IFNAR2: variants seen among roughly 807,000 people sequenced by gnomAD.
IFNAR2 encodes the protein interferon alpha and beta receptor subunit 2, also known as interferon alpha/beta receptor 2.
IFNAR2 carries 30 observed loss-of-function variants against 49.4 expected under a neutral mutation model. The ratio of observed to expected loss-of-function variants is 0.61; its 90% CI spans 0.45 to 0.82. The LOEUF is 0.82. IFNAR2 is among the 40% of genes least tolerant of loss of function. The pLI, the probability that IFNAR2 is intolerant of heterozygous loss-of-function variation, is 0.00. For synonymous variants in IFNAR2, 224 were observed against 234.5 expected, an observed-to-expected ratio of 0.96 and a Z score of 0.41; for missense variants, 600 against 622.7, an observed-to-expected ratio of 0.96 and a Z score of 0.39.
At chr21:33,245,344 C>A (rs1987320626) in intron 4 of IFNAR2, among the ~76,000 whole-genome samples, 1 of 152,238 alleles carries the variant, frequency 6.6e-6, no homozygotes, top group Non-Finnish European at 1.5e-5. Context: ...GTCAGAACCT[C>A]ACATACAAAA....
chr21:33,251,483 C>G (rs1987832391), intron 6 of IFNAR2: 1 of 891,974 alleles, frequency 1.1e-6, no homozygotes, highest in South Asian at 5.2e-5. Context: ...GCTCATTCTT[C>G]CAAGGAATTT....
chr21:33,244,466 T>C (rs922985712), intron 3 of IFNAR2, among the ~76,000 whole-genome samples: 3 of 152,190 alleles, frequency 2.0e-5, no homozygotes, highest in Admixed American at 6.5e-5. Flanking sequence ...CTCTCTGTGA[T>C]CCAGGGAATA....
intron 6 of IFNAR2, chr21:33,251,569 G>A (rs1601808282): frequency 6.1e-6 from 6 of 985,350 alleles, no homozygotes; most frequent in Middle Eastern, 5.2e-4. Context: ...AAGTTTGTTT[G>A]TTTACTAACT....
chr21:33,235,105 A>G (rs759483248), intron 1 of IFNAR2, among the ~76,000 whole-genome samples: 2 of 152,220 alleles, frequency 1.3e-5, no homozygotes, highest in Non-Finnish European at 2.9e-5. Context: ...TTCCTTTAGC[A>G]TGCTAATATA....
chr21:33,236,755 T>A lies in IFNAR2; in HGVS notation c.-83-5085T>A, dbSNP rs1245855231. On this transcript the variant is annotated intron_variant, in intron 1 of 8. Coordinates refer to ENST00000342136, the MANE Select transcript of IFNAR2 (RefSeq NM_001289125.3). ...TGAGCTGGGGCTCCTAGCACAAAAC[T>A]CACATTGAAAGATAAAATGGTTAAG... 5 of 984,900 alleles carry A rather than the reference T, an allele frequency of 5.1e-6. No homozygotes were observed. The African/African-American group carries it at 8.7e-5, about 17-fold the overall frequency. 61.0% of individuals were successfully genotyped at this position (984,900 alleles called of 1,614,324 possible).
intron 7 of IFNAR2, among the ~76,000 whole-genome samples, chr21:33,255,379 T>C (rs1988139980): frequency 6.6e-6 from 1 of 152,204 alleles, no homozygotes. Flanking sequence ...GTGACAAGGT[T>C]CCCTGCACTT....
At chr21:33,250,430 A>T (rs749755604) in intron 6 of IFNAR2, among the ~76,000 whole-genome samples, 1 of 152,226 alleles carries the variant, frequency 6.6e-6, no homozygotes, top group African/African-American at 2.4e-5. Context: ...CCAGAAAAAA[A>T]AATAAGCTAC....
chr21:33,260,948 A>C (rs1251415936), intron 8 of IFNAR2, among the ~76,000 whole-genome samples: 1 of 150,576 alleles, frequency 6.6e-6, no homozygotes, highest in Non-Finnish European at 1.5e-5. Flanking sequence ...TTTAGGGTAC[A>C]TGTGCACAGT....
rs747270386 is a variant in IFNAR2 at position 33,263,033 on chromosome 21, G to A, written c.1081G>A (p.Asp361Asn). The A allele has an allele frequency of 1.2e-6, 2 of 1,614,182 alleles. No individual in the cohort carries two copies. Among genetic ancestry groups the A allele is most frequent in the Non-Finnish European group, 1.7e-6 (2 of 1,180,028 alleles). ...SATSTESQLIDPESEEEPDLP... is the reference protein window; with the variant it reads ...SATSTESQLINPESEEEPDLP... Reference sequence around the variant, plus strand: ...CACCTCTACAGAATCCCAGTTGATAGACCCGGAGTCCGAGGAGGAGCCTGA... The same window carrying A: ...CACCTCTACAGAATCCCAGTTGATAAACCCGGAGTCCGAGGAGGAGCCTGA... The change falls in exon 9 of 9, where the codon GAC becomes AAC. Residue 361 changes from aspartate (D) to asparagine (N), a missense_variant. Transcript: ENST00000342136.
intron 8 of IFNAR2, 99 bp from the exon 9 acceptor site, chr21:33,262,694 C>T: frequency 6.7e-7 from 1 of 1,494,668 alleles, no homozygotes. Flanking sequence ...TACAAGCGTG[C>T]ATCCCTGTGC....
In IFNAR2 at chr21:33,262,760, C is replaced by T. The variant is rs9984273; in HGVS notation, c.841-33C>T. ...TAAAGAGCAAACAGTACAGCTGATACGGACTCTCTCTCTCTTTTTTTTTTT... is the reference window on the plus strand; with the variant it reads ...TAAAGAGCAAACAGTACAGCTGATATGGACTCTCTCTCTCTTTTTTTTTTT... On this transcript the variant is annotated intron_variant, in intron 8 of 8. Transcript: ENST00000342136. 0.69 allele frequency: 1,074,270 copies of T among 1,566,294 alleles called. 374,168 individuals carry two copies. The highest frequency in any genetic ancestry group is 0.94 in the East Asian group (41,983 of 44,602).
Position 33,263,766 on chromosome 21 carries a change from A to G in IFNAR2, c.*266A>G. 2.4e-6 allele frequency: 1 copy of G among 413,826 alleles called. No individual in the cohort carries two copies. The highest frequency in any genetic ancestry group is 4.4e-6 in the Non-Finnish European group (1 of 229,038). The allele number at this position is 413,826 out of a possible 1,614,324, so 25.6% of individuals were successfully genotyped here. A position where few individuals can be genotyped will look rare whatever the true frequency, so the allele number is the denominator to read the frequency against. On this transcript the variant is annotated 3_prime_UTR_variant, in exon 9 of 9. Coordinates refer to ENST00000342136, the MANE Select transcript of IFNAR2 (RefSeq NM_001289125.3). ...TTTCCTTTACACTAATGCACTTAGG[A>G]TGTTTCTGCATCATGTCTACCAGGG...
Position 33,263,392 on chromosome 21 carries a change from C to T in IFNAR2, c.1440C>T (p.Thr480=). The T allele has an allele frequency of 6.2e-7, 1 of 1,614,168 alleles. No homozygotes were observed. The highest frequency in any genetic ancestry group is 1.6e-4 in the Middle Eastern group (1 of 6,062). ...CCAGCGGGGAAGGGACACAGCCAACCTTTCCCAGCCCCTCTTCAGAGGGCC... is the reference window on the plus strand; with the variant it reads ...CCAGCGGGGAAGGGACACAGCCAACTTTTCCCAGCCCCTCTTCAGAGGGCC... ...LLASGEGTQP[T]FPSPSSEGLW... The change falls in exon 9 of 9, where the codon ACC becomes ACT. Residue 480 remains threonine, a synonymous_variant. Transcript: ENST00000342136.
chr21:33,253,290 G>A lies in IFNAR2; in HGVS notation c.709+460G>A, dbSNP rs1156865838. Among the ~76,000 whole-genome samples the A allele has an allele frequency of 2.6e-5, 4 of 152,210 alleles. No individual in the cohort carries two copies. In the East Asian group the frequency reaches 7.7e-4, roughly 29 times the overall value. On this transcript the variant is annotated intron_variant, in intron 7 of 8. Transcript: ENST00000342136. ...AGATGAAAGGAACCCTTGCCAGGGT[G>A]TACGAGAAAATCACTGATGAAGGCT...
In IFNAR2 at chr21:33,246,779, C is replaced by T. The variant is rs777595314; in HGVS notation, c.283C>T (p.Leu95Phe). ...CANTTRSFCD[L>F]TDEWRSTHEA... ...AAATACCACAAGATCATTTTGTGACCTCACAGATGAGTGGAGAAGCACACA... is the reference window on the plus strand; with the variant it reads ...AAATACCACAAGATCATTTTGTGACTTCACAGATGAGTGGAGAAGCACACA... Residue 95 changes from leucine (L) to phenylalanine (F), a missense_variant, in exon 5 of 9, where the codon CTC (leucine) becomes TTC (phenylalanine). Coordinates refer to ENST00000342136, the MANE Select transcript of IFNAR2 (RefSeq NM_001289125.3). The T allele has an allele frequency of 6.2e-7, 1 of 1,613,230 alleles. No homozygotes were observed. The highest frequency in any genetic ancestry group is 1.1e-5 in the South Asian group (1 of 91,076).
At chr21:33,234,204 T>TGTGG (rs892110348) in intron 1 of IFNAR2, among the ~76,000 whole-genome samples, 13 of 151,434 alleles carry the variant, frequency 8.6e-5, no homozygotes, top group Non-Finnish European at 1.9e-4. Context: ...TGTGTGTGTG[T>TGTGG]GTGTGTGTGT....
chr21:33,233,323 G>T, intron 1 of IFNAR2, among the ~76,000 whole-genome samples: 1 of 152,088 alleles, frequency 6.6e-6, no homozygotes, highest in South Asian at 2.1e-4. Flanking sequence ...CAAGAATTGG[G>T]ACCACTGAAG....
Position 33,241,905 on chromosome 21 carries a change from ACT to A in IFNAR2, c.-15_-14del, listed in dbSNP as rs768288102. 9 of 1,610,418 alleles carry A rather than the reference ACT, an allele frequency of 5.6e-6. No individual in the cohort carries two copies. The East Asian group carries it at 1.3e-4, about 24-fold the overall frequency. ...TTTCAGATGTAAAAGTCAAGAGAAG[ACT>A]CTAAAAATAGCAAAGATGCTTTTGA... On this transcript the variant is annotated 5_prime_UTR_variant, in exon 2 of 9. The change abolishes the stop of an existing upstream ORF in the 5' untranslated region. Coordinates refer to ENST00000342136, the MANE Select transcript of IFNAR2 (RefSeq NM_001289125.3).
At chr21:33,253,122 G>T (rs953975645) in intron 7 of IFNAR2, among the ~76,000 whole-genome samples, 1 of 152,200 alleles carries the variant, frequency 6.6e-6, no homozygotes, top group Admixed American at 6.5e-5. Flanking sequence ...TGTGCCCTTT[G>T]TGTGGCCATT....
Sources: allele counts gnomAD v4.1 joint callset (sites outside exome capture counted in the v4.1 genomes callset), GRCh38; gene constraint gnomAD v4.1.1; transcripts MANE v1.5; gene names NCBI Gene and HGNC (gene_info 2026-07-23, HGNC 2026-07-21).